LNX2: variants seen among roughly 807,000 people sequenced by gnomAD.
LNX2 encodes ligand of numb-protein X 2.
LNX2 carries 35 observed loss-of-function variants against 66.2 expected under a neutral mutation model. The observed-to-expected ratio is 0.53, with a 90% CI of 0.40 to 0.70. The LOEUF (loss-of-function observed/expected upper bound fraction) is 0.70. Among genes scored for constraint, LNX2 ranks in the 30% least tolerant of loss-of-function variants. The probability of loss-of-function intolerance (pLI) is 0.00; values close to 1 mark genes in which losing one functional copy is unlikely to be tolerated. For missense variants in LNX2, 791 were observed against 850.8 expected (o/e 0.93, Z 0.87); for synonymous variants, 337 against 315.6 (o/e 1.07, Z -0.72).
At chr13:27,602,473 G>A (rs560444833) in intron 1 of LNX2, among the ~76,000 whole-genome samples, 49 of 152,210 alleles carry the variant, frequency 3.2e-4, no homozygotes, top group African/African-American at 1.1e-3. Flanking sequence ...GGAACATAGA[G>A]TATGTACTCT....
Position 27,581,663 on chromosome 13 carries a change from G to A in LNX2, c.41C>T (p.Thr14Ile). The change falls in exon 2 of 10, where the codon ACC becomes ATC. Residue 14 changes from threonine to isoleucine, a missense_variant. Physicochemically the swap from Thr to Ile is moderately conservative, Grantham distance 89. Coordinates refer to ENST00000316334, the MANE Select transcript of LNX2 (RefSeq NM_153371.4). ...TSDEMVSVEQ[T>I]SSSSLNPLCF... The stretch of plus-strand genomic sequence containing the variant: ...CAGGGGGTTTAGAGAAGAGGAGGAG[G>A]TCTGTTCCACAGACACCATCTCATC... The A allele has an allele frequency of 1.9e-6, 3 of 1,613,122 alleles. No homozygotes were observed. The highest frequency in any genetic ancestry group is 2.5e-6 in the Non-Finnish European group (3 of 1,179,572).
intron 1 of LNX2, among the ~76,000 whole-genome samples, chr13:27,613,595 C>T (rs1955796073): frequency 6.6e-6 from 1 of 152,000 alleles, no homozygotes; most frequent in Admixed American, 6.6e-5. Context: ...TGATGAAACA[C>T]CATCTCTACT....
At chr13:27,594,101 T>C (rs2138433365) in intron 1 of LNX2, among the ~76,000 whole-genome samples, 1 of 152,340 alleles carries the variant, frequency 6.6e-6, no homozygotes, top group African/African-American at 2.4e-5. Flanking sequence ...ATAAATATAC[T>C]AACTTTTTCA....
chr13:27,568,287 A>C (rs1471587211), intron 3 of LNX2, among the ~76,000 whole-genome samples: 4 of 152,222 alleles, frequency 2.6e-5, no homozygotes, highest in Non-Finnish European at 5.9e-5. Flanking sequence ...AGACGTAGGA[A>C]ATGAAGAAGG....
chr13:27,606,169 C>T (rs1183022473), intron 1 of LNX2, among the ~76,000 whole-genome samples: 1 of 152,120 alleles, frequency 6.6e-6, no homozygotes, highest in Non-Finnish European at 1.5e-5. Context: ...TTAAGCACAA[C>T]TTGTACTACA....
In LNX2 at chr13:27,581,638, CAG is replaced by C; in HGVS notation, c.64_65del (p.Leu22ValfsTer3). On this transcript the variant is annotated frameshift_variant, in exon 2 of 10. Coordinates refer to ENST00000316334, the MANE Select transcript of LNX2 (RefSeq NM_153371.4). LOFTEE classifies it high-confidence loss of function. ...EQTSSSSLNP[L>X]CFECGQQHWT... ...AGTGCTGTTGGCCACATTCAAAACA[CAG>C]GGGGTTTAGAGAAGAGGAGGAGGTC... The C allele has an allele frequency of 1.2e-6, 2 of 1,614,082 alleles. No individual in the cohort carries two copies. The highest frequency in any genetic ancestry group is 2.7e-5 in the African/African-American group (2 of 75,048).
chr13:27,613,559 G>A (rs1346022090), intron 1 of LNX2, among the ~76,000 whole-genome samples: 1 of 152,170 alleles, frequency 6.6e-6, no homozygotes, highest in Non-Finnish European at 1.5e-5. Context: ...ATCACCTGAG[G>A]TAAGGAGTTC....
chr13:27,553,086 G>T (rs1358675069), intron 8 of LNX2, 122 bp downstream of exon 8: 16 of 725,458 alleles, frequency 2.2e-5, no homozygotes, highest in Non-Finnish European at 3.7e-5. Flanking sequence ...ATTTGATGTT[G>T]CTATTTTACT....
rs1315348767 is a variant in LNX2 at position 27,584,938 on chromosome 13, T to C, written c.-100-3135A>G. Among the ~76,000 whole-genome samples, 4 of 148,860 alleles carry C rather than the reference T, an allele frequency of 2.7e-5. No homozygotes were observed. In the East Asian group the frequency reaches 8.1e-4, roughly 30 times the overall value. ...TTTGAGACCAGGCTGGCCAACATGG[T>C]GAAACCTCATTGCTACTAAAAATAT... On this transcript the variant is annotated intron_variant, in intron 1 of 9. Coordinates refer to ENST00000316334, the MANE Select transcript of LNX2 (RefSeq NM_153371.4).
intron 1 of LNX2, among the ~76,000 whole-genome samples, chr13:27,605,240 T>A (rs983428150): frequency 1.4e-4 from 21 of 152,322 alleles, no homozygotes; most frequent in South Asian, 8.3e-4. Context: ...GAGAGATGAA[T>A]GGCAGACAGG....
At chr13:27,568,986 A>G (rs2138360392) in intron 3 of LNX2, 43 bp downstream of exon 3, 4 of 1,533,724 alleles carry the variant, frequency 2.6e-6, no homozygotes, top group Non-Finnish European at 3.5e-6. Flanking sequence ...GTGGGAAGAA[A>G]GGAAATAGAG....
intron 1 of LNX2, among the ~76,000 whole-genome samples, chr13:27,599,780 T>C (rs1306920219): frequency 1.3e-5 from 2 of 152,112 alleles, no homozygotes; most frequent in African/African-American, 4.8e-5. Context: ...ATTTAGCAAC[T>C]TTCTCTCAAA....
intron 2 of LNX2, among the ~76,000 whole-genome samples, chr13:27,572,826 T>C (rs962127770): frequency 6.6e-6 from 1 of 152,116 alleles, no homozygotes. Flanking sequence ...AAACAATGCA[T>C]ACTAACCACT....
intron 4 of LNX2, among the ~76,000 whole-genome samples, chr13:27,565,303 A>G (rs1955190870): frequency 6.6e-6 from 1 of 152,234 alleles, no homozygotes; most frequent in Non-Finnish European, 1.5e-5. Context: ...AAATATAAAT[A>G]AAAACATTTG....
At chr13:27,548,616 C>G (rs1298907855) in intron 9 of LNX2, 146 bp from the exon 10 acceptor site, 6 of 909,472 alleles carry the variant, frequency 6.6e-6, no homozygotes. Flanking sequence ...TTGTCTGGGA[C>G]AGCCCTTAAG....
intron 1 of LNX2, among the ~76,000 whole-genome samples, chr13:27,606,782 T>TA (rs1955721833): frequency 6.6e-6 from 1 of 152,086 alleles, no homozygotes; most frequent in South Asian, 2.1e-4. Context: ...CTTTCATGTG[T>TA]ATGGAAGTAT....
At chr13:27,607,518 A>C (rs983037704) in intron 1 of LNX2, among the ~76,000 whole-genome samples, 3 of 152,214 alleles carry the variant, frequency 2.0e-5, no homozygotes, top group Non-Finnish European at 2.9e-5. Context: ...AATTCCACAA[A>C]GAGTGATAGA....
intron 1 of LNX2, among the ~76,000 whole-genome samples, chr13:27,618,769 C>T (rs545133605): frequency 6.6e-6 from 1 of 152,306 alleles, no homozygotes; most frequent in East Asian, 1.9e-4. Flanking sequence ...CCAGACAAGC[C>T]CATATGCAAA....
At chr13:27,552,912 A>AT (rs1235739685) in intron 8 of LNX2, among the ~76,000 whole-genome samples, 1 of 152,204 alleles carries the variant, frequency 6.6e-6, no homozygotes, top group Non-Finnish European at 1.5e-5. Flanking sequence ...ACATAGCGGA[A>AT]TGAGTGCTGG....
Sources: gnomAD v4.1 joint callset for allele counts (sites outside exome capture counted in the v4.1 genomes callset) on GRCh38, gnomAD v4.1.1 for gene constraint, MANE v1.5 for transcripts, NCBI Gene and HGNC (gene_info 2026-07-23, HGNC 2026-07-21) for gene names.